Variants in CDH13 observed in about 807,000 individuals in gnomAD.
CDH13 encodes cadherin-13.
A neutral mutation model predicts 63.8 loss-of-function variants in CDH13; 24 were observed. That is an observed-to-expected ratio of 0.38 (90% CI 0.27 to 0.53). The LOEUF (loss-of-function observed/expected upper bound fraction) is 0.53, where lower values mean the gene tolerates loss of function less well. CDH13 is among the 20% of genes least tolerant of loss of function. CDH13 has a pLI of 0.85. For missense variants in CDH13, 1,049 were observed against 903.1 expected (o/e 1.16, Z -2.07); for synonymous variants, 503 against 355.3 (o/e 1.42, Z -4.67).
chr16:83,113,265 G>A (rs2035148582), intron 3 of CDH13, among the ~76,000 whole-genome samples: 1 of 152,232 alleles, frequency 6.6e-6, no homozygotes, highest in East Asian at 1.9e-4. Context: ...TTAGAGAGAA[G>A]ATTTCTCTAT....
At chr16:83,746,863 T>C (rs1362884883) in intron 10 of CDH13, among the ~76,000 whole-genome samples, 2 of 152,210 alleles carry the variant, frequency 1.3e-5, no homozygotes, top group Non-Finnish European at 2.9e-5. Context: ...TCTTACTCTA[T>C]GCATCTATAT....
chr16:83,574,487 T>C (rs1169786434), intron 7 of CDH13, among the ~76,000 whole-genome samples: 3 of 152,094 alleles, frequency 2.0e-5, no homozygotes, highest in African/African-American at 7.2e-5. Context: ...AATACCCAGG[T>C]CTGGATTAGG....
At chr16:83,030,624 C>T (rs1279406277) in intron 2 of CDH13, among the ~76,000 whole-genome samples, 1 of 118,626 alleles carries the variant, frequency 8.4e-6, no homozygotes, top group Non-Finnish European at 1.6e-5. Context: ...GTCTGGATGA[C>T]AGAGCAAGAC....
intron 6 of CDH13, among the ~76,000 whole-genome samples, chr16:83,441,259 C>T (rs1170633198): frequency 6.6e-6 from 1 of 152,164 alleles, no homozygotes; most frequent in Non-Finnish European, 1.5e-5. Flanking sequence ...TTGAGTACCA[C>T]TCTGGTAATG....
chr16:83,676,366 C>T (rs913169407), intron 9 of CDH13, among the ~76,000 whole-genome samples: 1 of 152,154 alleles, frequency 6.6e-6, no homozygotes, highest in Non-Finnish European at 1.5e-5. Context: ...CATCTCACTG[C>T]TGTTCAGAGG....
chr16:82,773,776 TTTC>T (rs756447020), intron 1 of CDH13, among the ~76,000 whole-genome samples: 60 of 151,528 alleles, frequency 4.0e-4, no homozygotes, highest in East Asian at 7.8e-4. Flanking sequence ...GAATATTGTT[TTTC>T]TTCTTCTTCT....
chr16:82,935,110 G>A (rs1208549957), intron 2 of CDH13, among the ~76,000 whole-genome samples: 1 of 152,184 alleles, frequency 6.6e-6, no homozygotes, highest in African/African-American at 2.4e-5. Flanking sequence ...AAGTAAAGTG[G>A]TTTAATTGAC....
At chr16:83,237,585 C>T (rs1213323975) in intron 5 of CDH13, among the ~76,000 whole-genome samples, 1 of 152,218 alleles carries the variant, frequency 6.6e-6, no homozygotes, top group Non-Finnish European at 1.5e-5. Context: ...TAAATAGCTG[C>T]ATTTGGCTGA....
intron 13 of CDH13, among the ~76,000 whole-genome samples, chr16:83,789,765 G>C (rs888741591): frequency 6.6e-6 from 1 of 152,136 alleles, no homozygotes; most frequent in Non-Finnish European, 1.5e-5. Context: ...AGCAGGGTCA[G>C]CAAACTCTAA....
chr16:83,173,684 A>T (rs1259736908), intron 4 of CDH13, among the ~76,000 whole-genome samples: 1 of 152,140 alleles, frequency 6.6e-6, no homozygotes, highest in East Asian at 1.9e-4. Flanking sequence ...GGCAAACTAT[A>T]TGAAAGATGC....
chr16:82,880,363 G>A (rs1597884667), intron 2 of CDH13, among the ~76,000 whole-genome samples: 1 of 152,194 alleles, frequency 6.6e-6, no homozygotes, highest in East Asian at 1.9e-4. Flanking sequence ...GGTACCCGCT[G>A]GGTTGATTGC....
chr16:83,416,815 C>G (rs2071562894), intron 6 of CDH13, among the ~76,000 whole-genome samples: 1 of 152,174 alleles, frequency 6.6e-6, no homozygotes, highest in African/African-American at 2.4e-5. Context: ...TTTAAGCCAC[C>G]TAATTAACCT....
At chr16:83,098,516 C>A (rs1264631037) in intron 3 of CDH13, among the ~76,000 whole-genome samples, 2 of 152,184 alleles carry the variant, frequency 1.3e-5, no homozygotes, top group African/African-American at 4.8e-5. Flanking sequence ...GACTATTGAA[C>A]ATTTCTTACA....
intron 5 of CDH13, among the ~76,000 whole-genome samples, chr16:83,237,036 C>G (rs879473536): frequency 3.3e-5 from 5 of 151,996 alleles, no homozygotes; most frequent in Admixed American, 2.6e-4. Flanking sequence ...GTGTGAGGAC[C>G]AGGAGGAAGA....
intron 4 of CDH13, among the ~76,000 whole-genome samples, chr16:83,206,361 T>A (rs988111592): frequency 1.3e-5 from 2 of 152,214 alleles, no homozygotes; most frequent in Non-Finnish European, 2.9e-5. Flanking sequence ...CTCATGCACA[T>A]CTCATGTCCC....
chr16:83,097,061 A>C (rs1008432677), intron 3 of CDH13, among the ~76,000 whole-genome samples: 1 of 152,164 alleles, frequency 6.6e-6, no homozygotes, highest in Admixed American at 6.5e-5. Context: ...CTCCCTTGTC[A>C]CTTTTCTCTG....
Position 83,217,428 on chromosome 16 carries a change from A to G in CDH13, c.567A>G (p.Arg189=). The G allele has an allele frequency of 6.2e-7, 1 of 1,613,980 alleles. No homozygotes were observed. The highest frequency in any genetic ancestry group is 2.2e-5 in the East Asian group (1 of 44,872). Residue 189 remains arginine, a synonymous_variant, in exon 5 of 14, where the codon AGA becomes AGG. Coordinates refer to ENST00000567109, the MANE Select transcript of CDH13 (RefSeq NM_001257.5). ...ATCAAGAGCCTAAAGGAATTTTCAGAATCAATGAGAACACAGGGAGCGTCT... is the reference window on the plus strand; with the variant it reads ...ATCAAGAGCCTAAAGGAATTTTCAGGATCAATGAGAACACAGGGAGCGTCT... ...GVDQEPKGIF[R]INENTGSVSV...
intron 1 of CDH13, among the ~76,000 whole-genome samples, chr16:82,633,774 G>A (rs16957900): frequency 1.2e-3 from 184 of 152,264 alleles, no homozygotes; most frequent in Non-Finnish European, 2.1e-3. Context: ...ACCCACGGCC[G>A]TTCTACATAC....
chr16:82,845,518 G>T (rs1398175428), intron 1 of CDH13, among the ~76,000 whole-genome samples: 1 of 152,130 alleles, frequency 6.6e-6, no homozygotes, highest in African/African-American at 2.4e-5. Flanking sequence ...ATCCTCTATT[G>T]GGCTGACCCC....
Sources: gnomAD v4.1 joint callset for allele counts (sites outside exome capture counted in the v4.1 genomes callset) on GRCh38, gnomAD v4.1.1 for gene constraint, MANE v1.5 for transcripts, NCBI Gene and HGNC (gene_info 2026-07-23, HGNC 2026-07-21) for gene names.